The following KCNMA1 variants were observed in gnomAD, a reference collection of about 807,000 sequenced individuals.
KCNMA1 encodes Calcium-activated potassium channel subunit alpha-1.
A neutral mutation model predicts 140.0 loss-of-function variants in KCNMA1; 29 were observed. The observed-to-expected ratio is 0.21, with a 90% CI of 0.15 to 0.28. KCNMA1 has a LOEUF of 0.28. Ranked by LOEUF, KCNMA1 falls within the 10% of genes least tolerant of loss-of-function variation. The pLI, the probability that KCNMA1 is intolerant of heterozygous loss-of-function variation, is 1.00. For synonymous variants in KCNMA1, 612 were observed against 611.9 expected (o/e 1.00, Z 0.00); for missense variants, 880 against 1,602.2 (o/e 0.55, Z 7.70).
rs3067677 is a variant in KCNMA1 at position 76,897,011 on chromosome 10, T to TACACACACACAC, written c.3148-5304_3148-5293dup. On this transcript the variant is annotated intron_variant, in intron 25 of 27. Coordinates refer to ENST00000286628, the MANE Select transcript of KCNMA1 (RefSeq NM_001161352.2). ...AGCCATGAGTATTAGAGGTGAAAAT[T>TACACACACACAC]ACACACACACACACACACACACACA... Among the ~76,000 whole-genome samples, 568 of 142,808 alleles carry TACACACACACAC rather than the reference T, an allele frequency of 4.0e-3. 2 individuals are homozygous for TACACACACACAC. The highest frequency in any genetic ancestry group is 6.6e-3 in the African/African-American group (254 of 38,398). 93.7% of individuals were successfully genotyped at this position (142,808 alleles called of 152,430 possible). A position where few individuals can be genotyped will look rare whatever the true frequency, so the allele number is the denominator to read the frequency against.
intron 1 of KCNMA1, among the ~76,000 whole-genome samples, chr10:77,424,794 T>C (rs1258663192): frequency 6.6e-6 from 1 of 152,204 alleles, no homozygotes; most frequent in African/African-American, 2.4e-5. Context: ...TTTTGACAGA[T>C]GCACTCAGCC....
intron 2 of KCNMA1, among the ~76,000 whole-genome samples, chr10:77,317,528 G>A (rs1400250): frequency 0.17 from 26,019 of 152,238 alleles, 2,376 homozygotes; most frequent in East Asian, 0.33. Flanking sequence ...AGGGAGATGA[G>A]GTTCTGAAAT....
intron 2 of KCNMA1, among the ~76,000 whole-genome samples, chr10:77,361,307 A>G (rs775321316): frequency 6.6e-6 from 1 of 152,050 alleles, no homozygotes; most frequent in East Asian, 1.9e-4. Flanking sequence ...AGAATTCCCA[A>G]CTCTGAATTC....
At chr10:77,036,383 T>C (rs1032107310) in intron 15 of KCNMA1, among the ~76,000 whole-genome samples, 70 of 152,178 alleles carry the variant, frequency 4.6e-4, no homozygotes, top group African/African-American at 1.7e-3. Context: ...CCTGCTCCCA[T>C]ATCTTTTCAT....
At chr10:77,517,880 T>G (rs2051165301) in intron 1 of KCNMA1, among the ~76,000 whole-genome samples, 2 of 152,034 alleles carry the variant, frequency 1.3e-5, no homozygotes, top group Admixed American at 1.3e-4. Flanking sequence ...GCCAAACTGA[T>G]AAGAGAAATA....
intron 1 of KCNMA1, among the ~76,000 whole-genome samples, chr10:77,569,906 C>T (rs2070241031): frequency 6.6e-6 from 1 of 151,980 alleles, no homozygotes; most frequent in African/African-American, 2.4e-5. Context: ...AACAAACAAC[C>T]CCATCAAAAA....
intron 14 of KCNMA1, among the ~76,000 whole-genome samples, chr10:77,068,521 A>T (rs2096047287): frequency 6.6e-6 from 1 of 152,066 alleles, no homozygotes; most frequent in Non-Finnish European, 1.5e-5. Flanking sequence ...AACAGAAAAC[A>T]TGACAGAGAA....
At chr10:77,111,947 C>T (rs923146774) in intron 7 of KCNMA1, among the ~76,000 whole-genome samples, 2 of 152,138 alleles carry the variant, frequency 1.3e-5, no homozygotes, top group Non-Finnish European at 2.9e-5. Flanking sequence ...GGTGGCTTTT[C>T]GTAAGGCGGA....
chr10:77,106,650 C>A (rs766236551), intron 9 of KCNMA1, among the ~76,000 whole-genome samples: 1 of 152,084 alleles, frequency 6.6e-6, no homozygotes, highest in Non-Finnish European at 1.5e-5. Flanking sequence ...CTGGCGGAGA[C>A]GTCAGAAGAT....
intron 1 of KCNMA1, among the ~76,000 whole-genome samples, chr10:77,514,919 A>G (rs2049855657): frequency 6.6e-6 from 1 of 151,398 alleles, no homozygotes; most frequent in South Asian, 2.1e-4. Context: ...TTTTTTTTCC[A>G]GTAATACAGC....
intron 1 of KCNMA1, among the ~76,000 whole-genome samples, chr10:77,495,040 C>G (rs2041358582): frequency 6.6e-6 from 1 of 152,200 alleles, no homozygotes; most frequent in Non-Finnish European, 1.5e-5. Context: ...ACTTGATCAT[C>G]TGCAAAGACC....
chr10:77,367,277 T>C (rs557069388), intron 2 of KCNMA1, among the ~76,000 whole-genome samples: 2 of 152,304 alleles, frequency 1.3e-5, no homozygotes, highest in African/African-American at 4.8e-5. Context: ...CTGAGGGATA[T>C]GGGAGATTTC....
chr10:77,570,982 A>C (rs2071041752), intron 1 of KCNMA1, among the ~76,000 whole-genome samples: 1 of 151,874 alleles, frequency 6.6e-6, no homozygotes, highest in South Asian at 2.1e-4. Context: ...TTGCTATCTT[A>C]ATGTTGCTCA....
At chr10:77,047,432 C>A (rs2095129278) in intron 14 of KCNMA1, among the ~76,000 whole-genome samples, 1 of 152,176 alleles carries the variant, frequency 6.6e-6, no homozygotes, top group Non-Finnish European at 1.5e-5. Context: ...TTTTCCCTCA[C>A]TCCATTATCC....
chr10:77,498,996 C>G (rs1456026421), intron 1 of KCNMA1: 2 of 152,150 alleles, frequency 1.3e-5, no homozygotes, highest in Non-Finnish European at 2.9e-5. Flanking sequence ...ATAATGAGGA[C>G]AAACAAAGCA....
chr10:77,542,705 C>CAA (rs35438549), intron 1 of KCNMA1, among the ~76,000 whole-genome samples: 14,193 of 152,070 alleles, frequency 0.093, 834 homozygotes, highest in Admixed American at 0.14. Flanking sequence ...AAGCAGCAAT[C>CAA]AAACAAGGAA....
chr10:77,243,478 G>T (rs950813060), intron 3 of KCNMA1, among the ~76,000 whole-genome samples: 7 of 152,140 alleles, frequency 4.6e-5, no homozygotes, highest in African/African-American at 1.7e-4. Flanking sequence ...TTCTTCATTT[G>T]CCCTGAAACA....
Position 77,362,344 on chromosome 10 carries a change from TC to T in KCNMA1, c.540+41517del, listed in dbSNP as rs1220056300. Among the ~76,000 whole-genome samples, 33 of 29,094 alleles carry T rather than the reference TC, an allele frequency of 1.1e-3. No individual in the cohort carries two copies. The East Asian group carries it at 0.025, about 22-fold the overall frequency. 19.1% of individuals were successfully genotyped at this position (29,094 alleles called of 152,430 possible). A position where few individuals can be genotyped will look rare whatever the true frequency, so the allele number is the denominator to read the frequency against. ...AAATACCACCAGCCCCCACCCCCTATCCCCCCCCACCCCCCCCACCCCACAC... is the reference window on the plus strand; with the variant it reads ...AAATACCACCAGCCCCCACCCCCTATCCCCCCCACCCCCCCCACCCCACAC... On this transcript the variant is annotated intron_variant, in intron 2 of 27. Transcript: ENST00000286628.
intron 25 of KCNMA1, 55 bp downstream of exon 25, chr10:76,909,911 C>T: frequency 6.3e-6 from 10 of 1,592,236 alleles, no homozygotes; most frequent in Non-Finnish European, 8.5e-6. Flanking sequence ...GTTGGAGGTG[C>T]TCTATTGGCA....
Sources: allele counts gnomAD v4.1 joint callset (sites outside exome capture counted in the v4.1 genomes callset), GRCh38; gene constraint gnomAD v4.1.1; transcripts MANE v1.5; gene names NCBI Gene and HGNC (gene_info 2026-07-23, HGNC 2026-07-21).